DHX9: variants seen among roughly 807,000 people sequenced by gnomAD.
DHX9 encodes the protein ATP-dependent RNA helicase A.
DHX9 carries 27 observed loss-of-function variants against 148.7 expected under a neutral mutation model. That is an observed-to-expected ratio of 0.18 (90% CI 0.13 to 0.25). DHX9 has a LOEUF of 0.25. Ranked by LOEUF, DHX9 falls within the 10% of genes least tolerant of loss-of-function variation. The pLI is 1.00. For synonymous variants in DHX9, 529 were observed against 516.6 expected (o/e 1.02, Z -0.33); for missense variants, 796 against 1,559.6 (o/e 0.51, Z 8.25).
rs753798673 is a variant in DHX9, at chr1:182,887,472, GA to G, written c.*45del. ...TCAGTTCCTGTGTGTAGACAGTAAG[GA>G]AAAAAAGGCATGCTATGTGTTACGT... On this transcript the variant is annotated 3_prime_UTR_variant, in exon 28 of 28. Coordinates refer to ENST00000367549, the MANE Select transcript of DHX9 (RefSeq NM_001357.5). The G allele has an allele frequency of 1.3e-5, 20 of 1,543,888 alleles. No individual in the cohort carries two copies. The highest frequency in any genetic ancestry group is 2.4e-5 in the South Asian group (2 of 85,006).
intron 16 of DHX9, 32 bp from the exon 17 acceptor site, chr1:182,876,018 A>C: frequency 6.3e-7 from 1 of 1,585,158 alleles, no homozygotes; most frequent in Non-Finnish European, 8.7e-7. Context: ...TAACTGAGAC[A>C]ATCCAAAAAT....
At chr1:182,846,463 A>G (rs1255466668) in intron 3 of DHX9, among the ~76,000 whole-genome samples, 7 of 152,162 alleles carry the variant, frequency 4.6e-5, no homozygotes, top group Non-Finnish European at 1.0e-4. Context: ...CCAACTCCCA[A>G]CCTCAGGTTA....
intron 1 of DHX9, among the ~76,000 whole-genome samples, chr1:182,841,624 T>C (rs560406057): frequency 2.0e-5 from 3 of 152,356 alleles, no homozygotes; most frequent in Admixed American, 6.5e-5. Context: ...TAGACTTAGG[T>C]GCTAACAAAA....
chr1:182,859,606 T>C (rs1253519604), intron 11 of DHX9, among the ~76,000 whole-genome samples: 1 of 152,148 alleles, frequency 6.6e-6, no homozygotes, highest in East Asian at 1.9e-4. Context: ...GATGGAAGTT[T>C]GGTTTTTTTG....
chr1:182,876,635 C>A, intron 18 of DHX9, 94 bp downstream of exon 18: 2 of 1,205,660 alleles, frequency 1.7e-6, no homozygotes, highest in Non-Finnish European at 2.4e-6. Context: ...AAAATTGTAA[C>A]CCATCTAAAT....
At chr1:182,883,454 A>G in intron 25 of DHX9, 66 bp from the exon 26 acceptor site, 1 of 1,568,358 alleles carries the variant, frequency 6.4e-7, no homozygotes, top group Admixed American at 1.7e-5. Context: ...TTCAAAGCAC[A>G]GTATATAGCG....
At chr1:182,863,819 T>G (rs1331214742) in intron 12 of DHX9, among the ~76,000 whole-genome samples, 1 of 152,048 alleles carries the variant, frequency 6.6e-6, no homozygotes, top group African/African-American at 2.4e-5. Flanking sequence ...GCTTTTGGTG[T>G]ACTACAAGAG....
chr1:182,853,429 C>T lies in DHX9; in HGVS notation c.477+11C>T, dbSNP rs1668193345. On this transcript the variant is annotated intron_variant, in intron 5 of 27. Transcript: ENST00000367549. ...CAAGAAGTGCAAGCGGTAAGGCCAG[C>T]ACCGTAGGTTACATCTCTGAGAATG... 1.9e-6 allele frequency: 3 copies of T among 1,587,746 alleles called. No homozygotes were observed. Among genetic ancestry groups the T allele is most frequent in the Non-Finnish European group, 2.6e-6 (3 of 1,158,550 alleles).
chr1:182,845,375 G>A lies in DHX9; in HGVS notation c.252+1941G>A, dbSNP rs182063219. Among the ~76,000 whole-genome samples the A allele has an allele frequency of 1.8e-3, 268 of 151,642 alleles. 1 individual carries two copies. Among genetic ancestry groups the A allele is most frequent in the African/African-American group, 6.3e-3 (259 of 41,228 alleles). On this transcript the variant is annotated intron_variant, in intron 3 of 27. Coordinates refer to ENST00000367549, the MANE Select transcript of DHX9 (RefSeq NM_001357.5). Reference sequence around the variant, plus strand: ...ACCTTCTTTAAGAATATTTTCACTGGATGTAGAATTCTGGGGTACCAGATA... The same window carrying A: ...ACCTTCTTTAAGAATATTTTCACTGAATGTAGAATTCTGGGGTACCAGATA...
At chr1:182,884,558 G>A (rs1649233052) in intron 26 of DHX9, 55 bp from the exon 27 acceptor site, 2 of 1,457,802 alleles carry the variant, frequency 1.4e-6, no homozygotes, top group African/African-American at 2.8e-5. Flanking sequence ...GAGAGATAAT[G>A]GTCTTTTTCT....
Position 182,859,081 on chromosome 1 carries a change from G to A in DHX9, c.1104G>A (p.Leu368=). ...TAAGCATGGACCTCAAGAATGAATT[G>A]ATGTACCAGTTGGAACAGGATCATG... The part of the protein sequence containing the change: ...EQISMDLKNE[L]MYQLEQDHDL... Residue 368 remains leucine (L), a synonymous_variant, in exon 11 of 28, where the codon TTG becomes TTA. Coordinates refer to ENST00000367549, the MANE Select transcript of DHX9 (RefSeq NM_001357.5). 1.2e-6 allele frequency: 2 copies of A among 1,614,112 alleles called. No individual in the cohort carries two copies. The highest frequency in any genetic ancestry group is 1.7e-6 in the Non-Finnish European group (2 of 1,180,020).
chr1:182,864,097 T>TTTC (rs1432998017), intron 12 of DHX9, among the ~76,000 whole-genome samples: 5 of 152,030 alleles, frequency 3.3e-5, no homozygotes, highest in Admixed American at 1.3e-4. Context: ...CTGAGAGGAA[T>TTTC]TTCTTGTTTC....
chr1:182,860,281 G>A, intron 12 of DHX9, 97 bp downstream of exon 12: 1 of 1,015,704 alleles, frequency 9.8e-7, no homozygotes, highest in Non-Finnish European at 1.4e-6. Flanking sequence ...GATTGAGAGA[G>A]CATTGTGCCC....
intron 24 of DHX9, 108 bp downstream of exon 24, chr1:182,881,755 T>G (rs1279839089): frequency 2.5e-6 from 3 of 1,184,030 alleles, no homozygotes. Flanking sequence ...CTATGATTTT[T>G]ATATATTCCC....
chr1:182,865,464 GA>G (rs1648254449), intron 12 of DHX9, among the ~76,000 whole-genome samples: 1 of 152,154 alleles, frequency 6.6e-6, no homozygotes, highest in African/African-American at 2.4e-5. Flanking sequence ...AGAAATTCAA[GA>G]AAATGGTGAC....
chr1:182,839,917 C>T (rs1473763311), intron 1 of DHX9: 5 of 152,282 alleles, frequency 3.3e-5, no homozygotes, highest in South Asian at 4.1e-4. Context: ...GGGAGAGCGC[C>T]TTTGGCTAGT....
chr1:182,839,569 G>A (rs1356215726), intron 1 of DHX9, 113 bp downstream of exon 1: 1 of 152,752 alleles, frequency 6.5e-6, no homozygotes. Context: ...GGCGGCGGCT[G>A]GGGGTGGGGG....
chr1:182,858,379 T>C (rs2102600293), intron 8 of DHX9, 139 bp downstream of exon 8: 2 of 1,134,616 alleles, frequency 1.8e-6, no homozygotes, highest in African/African-American at 3.1e-5. Flanking sequence ...TCTCTGTGTC[T>C]GGCATGATGT....
intron 11 of DHX9, among the ~76,000 whole-genome samples, chr1:182,859,628 CTT>C (rs1668320611): frequency 6.6e-6 from 1 of 151,830 alleles, no homozygotes; most frequent in Non-Finnish European, 1.5e-5. Context: ...TTGTTTTTTT[CTT>C]GAGACAAAGT....
Sources: gnomAD v4.1 joint callset for allele counts (sites outside exome capture counted in the v4.1 genomes callset) on GRCh38, gnomAD v4.1.1 for gene constraint, MANE v1.5 for transcripts, NCBI Gene and HGNC (gene_info 2026-07-23, HGNC 2026-07-21) for gene names.